DYTN: variants seen among roughly 807,000 people sequenced by gnomAD.
DYTN encodes the protein dystrotelin.
DYTN carries 75 observed loss-of-function variants against 69.6 expected under a neutral mutation model. The observed-to-expected ratio is 1.08, with a 90% CI of 0.89 to 1.31. DYTN has a LOEUF of 1.31. Ranked by LOEUF, DYTN falls within the 50% of genes most tolerant of loss-of-function variation. DYTN has a pLI of 0.00. For missense variants in DYTN, 726 were observed against 688.4 expected, an observed-to-expected ratio of 1.05 and a Z score of -0.61; for synonymous variants, 252 against 249.1, an observed-to-expected ratio of 1.01 and a Z score of -0.11.
chr2:206,657,116 ATTG>A, intron 11 of DYTN, among the ~76,000 whole-genome samples: 2 of 151,824 alleles, frequency 1.3e-5, no homozygotes. Context: ...TCATTGTTTC[ATTG>A]TTGTTTTCAT....
At position 206,707,295 on chromosome 2, in the gene DYTN, C is replaced by T. The variant is rs763251483; in HGVS notation, c.296+7G>A. ...TTGAGGTCACAGCGCGACGTCCACA[C>T]CCTCACCTGTTGTACATTGTCGTGA... On this transcript the variant is annotated splice_region_variant and intron_variant, in intron 3 of 11. Coordinates refer to ENST00000452335, the MANE Select transcript of DYTN (RefSeq NM_001093730.1). 6.2e-7 allele frequency: 1 copy of T among 1,610,326 alleles called. No homozygotes were observed. The highest frequency in any genetic ancestry group is 1.1e-5 in the South Asian group (1 of 89,788).
intron 3 of DYTN, among the ~76,000 whole-genome samples, chr2:206,706,670 A>G (rs1471877495): frequency 6.6e-6 from 1 of 152,096 alleles, no homozygotes; most frequent in Non-Finnish European, 1.5e-5. Flanking sequence ...AGTTTATTCT[A>G]AAGGATGAAT....
At chr2:206,703,368 G>A (rs1408711420) in intron 5 of DYTN, among the ~76,000 whole-genome samples, 4 of 152,220 alleles carry the variant, frequency 2.6e-5, no homozygotes, top group Non-Finnish European at 5.9e-5. Flanking sequence ...TGTGATATGA[G>A]ATGGGTGGAA....
chr2:206,695,922 G>A (rs1699915587), intron 7 of DYTN, among the ~76,000 whole-genome samples: 1 of 152,182 alleles, frequency 6.6e-6, no homozygotes, highest in Non-Finnish European at 1.5e-5. Context: ...TAAGCATTTG[G>A]GTTTTCAACA....
chr2:206,677,298 T>C lies in DYTN; in HGVS notation c.981-11269A>G, dbSNP rs78547785. On this transcript the variant is annotated intron_variant, in intron 9 of 11. Coordinates refer to ENST00000452335, the MANE Select transcript of DYTN (RefSeq NM_001093730.1). ...TATCTCAATAAATTGGTTAACAAAATGAAATAAAAAGGGAAAACTAGCTTT... is the reference window on the plus strand; with the variant it reads ...TATCTCAATAAATTGGTTAACAAAACGAAATAAAAAGGGAAAACTAGCTTT... 1.4e-3 allele frequency among the ~76,000 whole-genome samples: 206 copies of C among 152,194 alleles called. 9 individuals are homozygous for C. In the East Asian group the frequency reaches 0.033, roughly 24 times the overall value.
intron 9 of DYTN, among the ~76,000 whole-genome samples, chr2:206,668,249 C>A (rs746917709): frequency 2.0e-5 from 3 of 152,192 alleles, no homozygotes; most frequent in Non-Finnish European, 2.9e-5. Context: ...CCACCCATGT[C>A]TGCTTCCTCC....
intron 9 of DYTN, among the ~76,000 whole-genome samples, chr2:206,681,377 C>T (rs1699748421): frequency 6.6e-6 from 1 of 152,070 alleles, no homozygotes; most frequent in Non-Finnish European, 1.5e-5. Context: ...CTTTCTCTTG[C>T]CTGATTGAGC....
chr2:206,669,130 CTCTT>C (rs1485596707), intron 9 of DYTN, among the ~76,000 whole-genome samples: 1 of 152,158 alleles, frequency 6.6e-6, no homozygotes, highest in Non-Finnish European at 1.5e-5. Context: ...TTGAATAGTA[CTCTT>C]TCTGTTAATG....
chr2:206,665,556 C>T (rs755821735), intron 10 of DYTN, among the ~76,000 whole-genome samples: 2 of 151,926 alleles, frequency 1.3e-5, no homozygotes, highest in African/African-American at 2.4e-5. Context: ...AAATTCCCCT[C>T]GGGGTTCTCA....
chr2:206,651,896 G>A lies in DYTN; in HGVS notation c.1659C>T (p.Asp553=). Residue 553 remains aspartate (D), a synonymous_variant, in exon 12 of 12, where the codon GAC becomes GAT. Coordinates refer to ENST00000452335, the MANE Select transcript of DYTN (RefSeq NM_001093730.1). ...ACACTCGCTGAGCTCCACTGTACAGGTCCATGTTTACTGAAGACTCCGGGC... is the reference window on the plus strand; with the variant it reads ...ACACTCGCTGAGCTCCACTGTACAGATCCATGTTTACTGAAGACTCCGGGC... ...PSGPESSVNM[D]LYSGAQRVCR... 1 of 1,613,274 alleles carries A rather than the reference G, an allele frequency of 6.2e-7. No individual in the cohort carries two copies. Among genetic ancestry groups the A allele is most frequent in the Non-Finnish European group, 8.5e-7 (1 of 1,179,472 alleles).
At chr2:206,710,494 T>G in intron 2 of DYTN, 30 bp downstream of exon 2, 1 of 1,587,956 alleles carries the variant, frequency 6.3e-7, no homozygotes, top group Non-Finnish European at 8.6e-7. Context: ...CTCAGATTAT[T>G]TCAAATATTT....
At chr2:206,707,680 G>A (rs900706481) in intron 2 of DYTN, among the ~76,000 whole-genome samples, 177 bp from the exon 3 acceptor site, 5 of 152,136 alleles carry the variant, frequency 3.3e-5, no homozygotes, top group South Asian at 2.1e-4. Flanking sequence ...TACTTCAGGC[G>A]TTACTATTCT....
At chr2:206,657,586 G>A (rs368059728) in intron 11 of DYTN, among the ~76,000 whole-genome samples, 5 of 151,782 alleles carry the variant, frequency 3.3e-5, no homozygotes, top group Non-Finnish European at 7.4e-5. Context: ...TCATTTTATA[G>A]TATTTTGTAT....
intron 9 of DYTN, among the ~76,000 whole-genome samples, chr2:206,679,905 A>T (rs913955870): frequency 6.6e-6 from 1 of 152,154 alleles, no homozygotes; most frequent in Non-Finnish European, 1.5e-5. Flanking sequence ...TCATTTTCAT[A>T]TCTTGGTATT....
chr2:206,672,482 G>A (rs1052752790), intron 9 of DYTN, among the ~76,000 whole-genome samples: 7 of 152,142 alleles, frequency 4.6e-5, no homozygotes, highest in African/African-American at 1.7e-4. Context: ...GCTCTCTGTC[G>A]CACACTCTAG....
intron 9 of DYTN, among the ~76,000 whole-genome samples, chr2:206,666,727 T>A (rs1247522864): frequency 7.3e-6 from 1 of 137,902 alleles, no homozygotes; most frequent in Non-Finnish European, 1.6e-5. Context: ...GTGCACTCAC[T>A]CATGGGTGTG....
At position 206,702,974 on chromosome 2, in the gene DYTN, G is replaced by T. The variant is rs554805520; in HGVS notation, c.483+1869C>A. On this transcript the variant is annotated intron_variant, in intron 5 of 11. Transcript: ENST00000452335. The stretch of plus-strand genomic sequence containing the variant: ...TTTAGGGGGGGATTTGAATCATGTA[G>T]TGGGGCCTGGAATTTTCTCTGAGAA... Among the ~76,000 whole-genome samples the T allele has an allele frequency of 2.2e-4, 33 of 152,244 alleles. No homozygotes were observed. The South Asian group carries it at 6.9e-3, about 32-fold the overall frequency.
chr2:206,678,605 C>T (rs988910993), intron 9 of DYTN, among the ~76,000 whole-genome samples: 5 of 151,932 alleles, frequency 3.3e-5, no homozygotes, highest in Non-Finnish European at 7.4e-5. Context: ...AATTATATAA[C>T]CATTAAGATG....
intron 4 of DYTN, 37 bp downstream of exon 4, chr2:206,705,751 C>A (rs760547921): frequency 6.2e-7 from 1 of 1,601,624 alleles, no homozygotes; most frequent in Non-Finnish European, 8.5e-7. Context: ...TTGGGGCTCA[C>A]TGCACTTTAG....
Sources: allele counts gnomAD v4.1 joint callset (sites outside exome capture counted in the v4.1 genomes callset), GRCh38; gene constraint gnomAD v4.1.1; transcripts MANE v1.5; gene names NCBI Gene and HGNC (gene_info 2026-07-23, HGNC 2026-07-21).